Variants in CCPG1 observed in about 807,000 individuals in gnomAD.
The protein encoded by CCPG1 is cell cycle progression 1.
In CCPG1, 46 loss-of-function variants were observed where a neutral mutation model predicts 81.3. The observed-to-expected ratio is 0.57, with a 90% CI of 0.45 to 0.72. The LOEUF (loss-of-function observed/expected upper bound fraction) is 0.72. CCPG1 is among the 30% of genes least tolerant of loss of function. CCPG1 has a pLI of 0.00. For missense variants in CCPG1, 902 were observed against 937.6 expected, an observed-to-expected ratio of 0.96 and a Z score of 0.50; for synonymous variants, 330 against 305.2, an observed-to-expected ratio of 1.08 and a Z score of -0.85.
chr15:55,374,717 G>A (rs1224227478), intron 5 of CCPG1, among the ~76,000 whole-genome samples: 5 of 152,074 alleles, frequency 3.3e-5, no homozygotes, highest in African/African-American at 1.2e-4. Flanking sequence ...TGCAACCTCC[G>A]CCTCCTGGGT....
chr15:55,375,733 G>A (rs2056551886), intron 5 of CCPG1, among the ~76,000 whole-genome samples: 1 of 150,566 alleles, frequency 6.6e-6, no homozygotes. Flanking sequence ...TGTCACCCAG[G>A]TTGGCAATCT....
chr15:55,363,163 C>T (rs768059967), intron 7 of CCPG1, among the ~76,000 whole-genome samples: 5 of 152,106 alleles, frequency 3.3e-5, no homozygotes, highest in Admixed American at 6.5e-5. Flanking sequence ...CCCTGGCCAA[C>T]ATAGTGAAAC....
intron 1 of CCPG1, among the ~76,000 whole-genome samples, chr15:55,393,857 TA>T (rs1270425840): frequency 2.6e-5 from 4 of 152,294 alleles, no homozygotes; most frequent in East Asian, 3.9e-4. Context: ...ATACACCAAG[TA>T]ACCAATGGAA....
rs759395291 is a variant in CCPG1, at chr15:55,359,554, G to A, written c.2219C>T (p.Pro740Leu). 8 of 1,607,524 alleles carry A rather than the reference G, an allele frequency of 5.0e-6. No individual in the cohort carries two copies. Among genetic ancestry groups the A allele is most frequent in the Middle Eastern group, 1.7e-4 (1 of 6,024 alleles). The part of the protein sequence containing the change: ...YRHFFGHTFS[P>L]PYGPSRPDKK... ...GTAAACCGACCTGGGTCCATATGGAGGGGAAAAAGTGTGACCAAAGAAGTG... is the reference window on the plus strand; with the variant it reads ...GTAAACCGACCTGGGTCCATATGGAAGGGAAAAAGTGTGACCAAAGAAGTG... Residue 740 changes from proline to leucine, a missense_variant, in exon 8 of 9, where the codon CCT (proline) becomes CTT (leucine). Transcript: ENST00000442196.
At chr15:55,401,415 C>G (rs7173562) in intron 1 of CCPG1, among the ~76,000 whole-genome samples, 26,945 of 152,100 alleles carry the variant, frequency 0.18, 4,125 homozygotes, top group African/African-American at 0.42. Context: ...GCCTATAATC[C>G]CAGCATTTTG....
At position 55,365,263 on chromosome 15, in the gene CCPG1, A is replaced by G. The variant is rs1338249088; in HGVS notation, c.753T>C (p.His251=). 1.3e-6 allele frequency: 2 copies of G among 1,545,282 alleles called. No individual in the cohort carries two copies. Among genetic ancestry groups the G allele is most frequent in the East Asian group, 2.3e-5 (1 of 44,304 alleles). The part of the protein sequence containing the change: ...QKRQQLVRKI[H]EDELNDMKDY... ...CCTTCATATCATTCAATTCATCTTC[A>G]TGTATCTTTCTGACTAACTGTTGAC... Residue 251 remains histidine (H), a synonymous_variant, in exon 7 of 9, where the codon CAT becomes CAC. Transcript: ENST00000442196.
At chr15:55,395,522 A>G (rs2056999738) in intron 1 of CCPG1, among the ~76,000 whole-genome samples, 1 of 152,090 alleles carries the variant, frequency 6.6e-6, no homozygotes, top group African/African-American at 2.4e-5. Flanking sequence ...GCTTTGCCCA[A>G]CCTTCTCAGT....
At chr15:55,397,094 G>C (rs1388668716) in intron 1 of CCPG1, among the ~76,000 whole-genome samples, 1 of 152,098 alleles carries the variant, frequency 6.6e-6, no homozygotes, top group Non-Finnish European at 1.5e-5. Flanking sequence ...GGCGCCTGTA[G>C]TTCCAGCTAC....
At position 55,388,623 on chromosome 15, in the gene CCPG1, G is replaced by A. The variant is rs2056851275; in HGVS notation, c.60+742C>T. Among the ~76,000 whole-genome samples the A allele has an allele frequency of 1.3e-5, 2 of 152,100 alleles. 1 individual carries two copies. The highest frequency in any genetic ancestry group is 1.3e-4 in the Admixed American group (2 of 15,254). On this transcript the variant is annotated intron_variant, in intron 2 of 8. Transcript: ENST00000442196. ...AATATTCAAAATTATTTAAGAACAG[G>A]GTATGGTGGCATATGCCTATAGTCC...
chr15:55,374,336 A>C, intron 5 of CCPG1: 1 of 632,958 alleles, frequency 1.6e-6, no homozygotes, highest in Non-Finnish European at 2.4e-6. Flanking sequence ...ATACTTAATT[A>C]TCACTTAACA....
intron 2 of CCPG1, among the ~76,000 whole-genome samples, chr15:55,386,586 A>C (rs1351098722): frequency 6.6e-6 from 1 of 152,012 alleles, no homozygotes; most frequent in African/African-American, 2.4e-5. Context: ...AAGACAGCAA[A>C]AATTAAAAGA....
chr15:55,366,131 C>T (rs2056322480), intron 6 of CCPG1, among the ~76,000 whole-genome samples: 1 of 152,028 alleles, frequency 6.6e-6, no homozygotes, highest in Non-Finnish European at 1.5e-5. Flanking sequence ...GCCCATATGG[C>T]TCTAACCAAG....
intron 5 of CCPG1, among the ~76,000 whole-genome samples, chr15:55,373,704 A>G (rs891566460): frequency 6.6e-6 from 1 of 152,246 alleles, no homozygotes; most frequent in African/African-American, 2.4e-5. Flanking sequence ...CATAATACAA[A>G]GGCATTCATG....
chr15:55,366,330 T>C (rs2056327031), intron 6 of CCPG1, among the ~76,000 whole-genome samples: 1 of 152,132 alleles, frequency 6.6e-6, no homozygotes, highest in Non-Finnish European at 1.5e-5. Context: ...TTTAATATTT[T>C]GCCTTAAGGA....
At chr15:55,370,380 T>C (rs763007143) in intron 6 of CCPG1, among the ~76,000 whole-genome samples, 2 of 152,338 alleles carry the variant, frequency 1.3e-5, no homozygotes, top group South Asian at 4.1e-4. Flanking sequence ...ATTTGGGAAG[T>C]TGACAAGATC....
intron 1 of CCPG1, among the ~76,000 whole-genome samples, chr15:55,401,307 G>T (rs1417014615): frequency 1.3e-5 from 2 of 152,060 alleles, no homozygotes; most frequent in Non-Finnish European, 2.9e-5. Context: ...TACAACGCTG[G>T]TTTAATTGCT....
chr15:55,364,988 C>G (rs759616967), intron 7 of CCPG1, among the ~76,000 whole-genome samples, 200 bp downstream of exon 7: 3 of 152,190 alleles, frequency 2.0e-5, no homozygotes, highest in Admixed American at 6.5e-5. Context: ...TTGCTTAATT[C>G]ACATATTGTG....
chr15:55,401,991 T>C (rs1283202423), intron 1 of CCPG1, among the ~76,000 whole-genome samples: 1 of 152,200 alleles, frequency 6.6e-6, no homozygotes, highest in East Asian at 1.9e-4. Context: ...CTTTTCTTCC[T>C]TCATTCTGAT....
intron 1 of CCPG1, among the ~76,000 whole-genome samples, chr15:55,403,216 G>A (rs2057158967): frequency 6.6e-6 from 1 of 151,848 alleles, no homozygotes; most frequent in African/African-American, 2.4e-5. Flanking sequence ...CCCCATAAAG[G>A]CAGCTTGCTA....
Sources: allele counts gnomAD v4.1 joint callset (sites outside exome capture counted in the v4.1 genomes callset), GRCh38; gene constraint gnomAD v4.1.1; transcripts MANE v1.5; gene names NCBI Gene and HGNC (gene_info 2026-07-23, HGNC 2026-07-21).